The following FHAD1 variants were observed in gnomAD, a reference collection of about 807,000 sequenced individuals.
FHAD1 encodes the protein forkhead-associated domain-containing protein 1.
A neutral mutation model predicts 191.3 loss-of-function variants in FHAD1; 146 were observed. The observed-to-expected ratio is 0.76, with a 90% CI of 0.67 to 0.88. FHAD1 has a LOEUF of 0.88. Ranked by LOEUF, FHAD1 falls within the 40% of genes least tolerant of loss-of-function variation. The pLI, the probability that FHAD1 is intolerant of heterozygous loss-of-function variation, is 0.00. For missense variants in FHAD1, 1,635 were observed against 1,785.8 expected (o/e 0.92, Z 1.52); for synonymous variants, 616 against 672.3 (o/e 0.92, Z 1.29).
chr1:15,393,424 A>ACACG lies in FHAD1; in HGVS notation c.4323+2164_4323+2165insGCAC, dbSNP rs1553127048. Among the ~76,000 whole-genome samples, 66 of 124,924 alleles carry ACACG rather than the reference A, an allele frequency of 5.3e-4. No individual in the cohort carries two copies. In the South Asian group the frequency reaches 0.014, roughly 26 times the overall value. 82.0% of individuals were successfully genotyped at this position (124,924 alleles called of 152,430 possible). A position where few individuals can be genotyped will look rare whatever the true frequency, so the allele number is the denominator to read the frequency against. On this transcript the variant is annotated intron_variant, in intron 33 of 33. Coordinates refer to ENST00000688493, the MANE Select transcript of FHAD1 (RefSeq NM_001391957.1). Reference sequence around the variant, plus strand: ...TATCTACATAGATGTGGACACACACACACACGCACACACACACACACACAC... The same window carrying ACACG: ...TATCTACATAGATGTGGACACACACACACGCACACGCACACACACACACACACAC...
At chr1:15,369,342 C>T (rs1159778772) in intron 25 of FHAD1, 28 bp from the exon 26 acceptor site, 15 of 1,551,202 alleles carry the variant, frequency 9.7e-6, no homozygotes, top group African/African-American at 1.4e-5. Context: ...TCCAGAACCT[C>T]GTGCCATCCT....
At position 15,393,428 on chromosome 1, in the gene FHAD1, A is replaced by ACG. The variant is rs796335474; in HGVS notation, c.4323+2167_4323+2168dup. On this transcript the variant is annotated intron_variant, in intron 33 of 33. Coordinates refer to ENST00000688493, the MANE Select transcript of FHAD1 (RefSeq NM_001391957.1). ...TACATAGATGTGGACACACACACAC[A>ACG]CGCACACACACACACACACACACAC... Among the ~76,000 whole-genome samples, 9 of 131,118 alleles carry ACG rather than the reference A, an allele frequency of 6.9e-5. 1 individual carries two copies. Among genetic ancestry groups the ACG allele is most frequent in the African/African-American group, 3.3e-4 (9 of 27,254 alleles). The allele number at this position is 131,118 out of a possible 152,430, so 86.0% of individuals were successfully genotyped here.
chr1:15,277,618 G>C (rs1658879526), intron 3 of FHAD1, among the ~76,000 whole-genome samples: 1 of 152,202 alleles, frequency 6.6e-6, no homozygotes, highest in South Asian at 2.1e-4. Flanking sequence ...TCACCTGAGA[G>C]CTCAGGCAAG....
At chr1:15,336,782 G>C (rs962128033) in intron 14 of FHAD1, among the ~76,000 whole-genome samples, 2 of 152,144 alleles carry the variant, frequency 1.3e-5, no homozygotes, top group African/African-American at 4.8e-5. Flanking sequence ...CTGCAGCACT[G>C]ACTAGGCCAC....
At chr1:15,371,101 C>T (rs995067352) in intron 26 of FHAD1, among the ~76,000 whole-genome samples, 1 of 152,186 alleles carries the variant, frequency 6.6e-6, no homozygotes, top group Non-Finnish European at 1.5e-5. Flanking sequence ...CCGTAAGCTC[C>T]GTGGGGCAGG....
intron 33 of FHAD1, among the ~76,000 whole-genome samples, chr1:15,395,393 C>T (rs1030463545): frequency 1.3e-5 from 2 of 152,024 alleles, no homozygotes; most frequent in African/African-American, 4.8e-5. Flanking sequence ...CTCGGGCACA[C>T]ACACGTCTCC....
chr1:15,345,355 T>C (rs1055553407), intron 17 of FHAD1, 61 bp from the exon 18 acceptor site: 1 of 1,475,804 alleles, frequency 6.8e-7, no homozygotes, highest in Admixed American at 2.0e-5. Context: ...GTGCGGTGCC[T>C]GGCAGAGTCC....
intron 7 of FHAD1, among the ~76,000 whole-genome samples, chr1:15,310,080 G>T (rs1442981028): frequency 6.6e-6 from 1 of 152,218 alleles, no homozygotes; most frequent in South Asian, 2.1e-4. Context: ...GGCATGTCTC[G>T]AGACCTGCAG....
intron 33 of FHAD1, among the ~76,000 whole-genome samples, chr1:15,395,398 G>A (rs1399961458): frequency 2.0e-5 from 3 of 151,358 alleles, no homozygotes; most frequent in Non-Finnish European, 4.4e-5. Flanking sequence ...GCACACACAC[G>A]TCTCCATGTC....
intron 11 of FHAD1, chr1:15,324,904 A>G (rs970370398): frequency 5.1e-5 from 16 of 314,898 alleles, no homozygotes; most frequent in Middle Eastern, 1.0e-3. Flanking sequence ...CCTGACATTT[A>G]CCACAATCTT....
intron 3 of FHAD1, among the ~76,000 whole-genome samples, chr1:15,279,769 C>CGAAT (rs1553239652): frequency 6.6e-6 from 1 of 152,004 alleles, no homozygotes; most frequent in Non-Finnish European, 1.5e-5. Context: ...ATGGAATGCT[C>CGAAT]TGACTGGCCA....
At position 15,301,204 on chromosome 1, in the gene FHAD1, G is replaced by T. The variant is rs1221493764; in HGVS notation, c.679-1G>T. 6.4e-7 allele frequency: 1 copy of T among 1,551,472 alleles called. No individual in the cohort carries two copies. The highest frequency in any genetic ancestry group is 8.7e-7 in the Non-Finnish European group (1 of 1,146,876). ...AAGCCTCCCATCTGATCTCTACCCA[G>T]GATGAAATAATTCTGCTGCTGGGAA... On this transcript the variant is annotated splice_acceptor_variant, in intron 5 of 33. Transcript: ENST00000688493. LOFTEE classifies it high-confidence loss of function.
At chr1:15,363,836 G>A (rs1456003235) in intron 23 of FHAD1, 1 of 454,732 alleles carries the variant, frequency 2.2e-6, no homozygotes, top group Non-Finnish European at 4.4e-6. Flanking sequence ...CGTAAAGAAG[G>A]AGGCGCCGAT....
At chr1:15,238,271 G>GAAA in intron 1 of FHAD1, among the ~76,000 whole-genome samples, 2 of 83,452 alleles carry the variant, frequency 2.4e-5, no homozygotes, top group Non-Finnish European at 4.9e-5. Flanking sequence ...AAAAAAAAAG[G>GAAA]AGCACTGTTG....
Position 15,329,577 on chromosome 1 carries a change from C to T in FHAD1, c.1906+36C>T. ...CTTTTTTTCTCACATGGTTGCATGA[C>T]TCTAAAATGTCGCGTTGAATCTCAG... On this transcript the variant is annotated intron_variant, in intron 14 of 33. Coordinates refer to ENST00000688493, the MANE Select transcript of FHAD1 (RefSeq NM_001391957.1). The surrounding 1 kb of genome is among the most constrained non-coding windows in gnomAD (Gnocchi z 5.0). 2 of 1,531,024 alleles carry T rather than the reference C, an allele frequency of 1.3e-6. No individual in the cohort carries two copies. Among genetic ancestry groups the T allele is most frequent in the Middle Eastern group, 1.7e-4 (1 of 5,950 alleles). The allele number at this position is 1,531,024 out of a possible 1,614,324, so 94.8% of individuals were successfully genotyped here.
chr1:15,341,760 A>G lies in FHAD1; in HGVS notation c.2002A>G (p.Thr668Ala). ...GATCAAGTTCAACAGTTCTCAGGAAACTCAGCAGTCTTTACTGCAGGAAAA... is the reference window on the plus strand; with the variant it reads ...GATCAAGTTCAACAGTTCTCAGGAAGCTCAGCAGTCTTTACTGCAGGAAAA... ...LQIKFNSSQETQQSLLQEKLR... is the reference protein window; with the variant it reads ...LQIKFNSSQEAQQSLLQEKLR... Residue 668 changes from threonine (T) to alanine (A), a missense_variant, in exon 16 of 34, where the codon ACT (threonine) becomes GCT (alanine). Thr to Ala is a moderately conservative substitution (Grantham distance 58, BLOSUM62 0). Transcript: ENST00000688493. The G allele has an allele frequency of 6.4e-7, 1 of 1,551,310 alleles. No homozygotes were observed. Among genetic ancestry groups the G allele is most frequent in the Non-Finnish European group, 8.7e-7 (1 of 1,146,712 alleles).
intron 3 of FHAD1, among the ~76,000 whole-genome samples, chr1:15,285,570 T>G (rs1201026565): frequency 6.6e-6 from 1 of 152,158 alleles, no homozygotes; most frequent in Non-Finnish European, 1.5e-5. Context: ...TAAAACTTTT[T>G]TTTTTTAACT....
At chr1:15,273,829 A>G (rs1183948647) in intron 3 of FHAD1, among the ~76,000 whole-genome samples, 1 of 152,154 alleles carries the variant, frequency 6.6e-6, no homozygotes, top group African/African-American at 2.4e-5. Context: ...CCGTCGATCC[A>G]CAGAACTCTT....
In FHAD1 at chr1:15,272,444, T is replaced by C. The variant is rs908372567; in HGVS notation, c.215T>C (p.Val72Ala). The C allele has an allele frequency of 6.4e-7, 1 of 1,551,420 alleles. No individual in the cohort carries two copies. The highest frequency in any genetic ancestry group is 1.4e-5 in the African/African-American group (1 of 73,030). ...GTCAACGAGTGCCACATTCAAAACG[T>C]GGCTGTGAAGCTCATCCCTGGAGAC... The part of the protein sequence containing the change: ...TFVNECHIQN[V>A]AVKLIPGDIL... The change falls in exon 3 of 34, where the codon GTG becomes GCG. Residue 72 changes from valine to alanine, a missense_variant. By Grantham distance (64) the Val-to-Ala change is moderately conservative. Coordinates refer to ENST00000688493, the MANE Select transcript of FHAD1 (RefSeq NM_001391957.1).
Sources: gnomAD v4.1 joint callset for allele counts (sites outside exome capture counted in the v4.1 genomes callset) on GRCh38, gnomAD v4.1.1 for gene constraint, Gnocchi (gnomAD v3.1) non-coding constraint, MANE v1.5 for transcripts, NCBI Gene and HGNC (gene_info 2026-07-23, HGNC 2026-07-21) for gene names.